NELFA: variants seen among roughly 807,000 people sequenced by gnomAD.
NELFA encodes the protein negative elongation factor complex member A.
NELFA carries 35 observed loss-of-function variants against 51.8 expected under a neutral mutation model. That is an observed-to-expected ratio of 0.68 (90% CI 0.52 to 0.90). The LOEUF is 0.90. Among genes scored for constraint, NELFA ranks in the 40% least tolerant of loss-of-function variants. The probability of loss-of-function intolerance (pLI) is 0.00; values close to 1 mark genes in which losing one functional copy is unlikely to be tolerated. For synonymous variants in NELFA, 417 were observed against 338.4 expected (o/e 1.23, Z -2.55); for missense variants, 658 against 746.4 (o/e 0.88, Z 1.38).
At chr4:1,992,538 C>A in intron 1 of NELFA, 1 of 375,686 alleles carries the variant, frequency 2.7e-6, no homozygotes, top group South Asian at 1.8e-5. Context: ...CAGTGTGAGA[C>A]AGCTGGGCTG....
At chr4:1,994,625 G>A (rs1394323871) in intron 1 of NELFA, among the ~76,000 whole-genome samples, 1 of 151,748 alleles carries the variant, frequency 6.6e-6, no homozygotes, top group East Asian at 1.9e-4. Context: ...GGAGGCTGAG[G>A]TGGGCGGATC....
At chr4:1,993,812 T>C (rs1728350538) in intron 1 of NELFA, among the ~76,000 whole-genome samples, 2 of 149,736 alleles carry the variant, frequency 1.3e-5, no homozygotes, top group Non-Finnish European at 3.0e-5. Flanking sequence ...TTTTTTTTTT[T>C]TTGAGACAGA....
chr4:2,005,052 C>T (rs892642741), intron 1 of NELFA, among the ~76,000 whole-genome samples: 8 of 151,826 alleles, frequency 5.3e-5, no homozygotes, highest in Non-Finnish European at 1.2e-4. Context: ...TCGTGATCCG[C>T]CCGCCTCGGC....
chr4:1,997,950 G>C (rs868488175), intron 1 of NELFA, among the ~76,000 whole-genome samples: 7 of 152,262 alleles, frequency 4.6e-5, no homozygotes, highest in East Asian at 3.9e-4. Context: ...TTGCTGTTCT[G>C]CAGCCTCCTT....
intron 1 of NELFA, among the ~76,000 whole-genome samples, chr4:2,008,423 G>A (rs1261417240): frequency 1.3e-5 from 2 of 149,800 alleles, no homozygotes; most frequent in Non-Finnish European, 3.0e-5. Flanking sequence ...TAGGGGTGAG[G>A]ACGAAAAGTA....
intron 1 of NELFA, among the ~76,000 whole-genome samples, chr4:2,003,681 C>T (rs916816472): frequency 2.0e-5 from 3 of 152,110 alleles, no homozygotes; most frequent in East Asian, 3.9e-4. Context: ...TAGTTGAACA[C>T]TGAGAACACA....
intron 1 of NELFA, among the ~76,000 whole-genome samples, chr4:2,005,932 C>T (rs187582864): frequency 2.0e-5 from 3 of 152,124 alleles, no homozygotes; most frequent in African/African-American, 7.2e-5. Context: ...CCAGAATGAA[C>T]TGCAAGTTCA....
intron 1 of NELFA, among the ~76,000 whole-genome samples, chr4:1,992,857 A>G (rs1208362250): frequency 6.6e-6 from 1 of 152,156 alleles, no homozygotes. Context: ...GCCCTGCAGG[A>G]CACCCAGCTG....
chr4:1,995,694 A>G (rs540234114), intron 1 of NELFA, among the ~76,000 whole-genome samples: 1 of 152,272 alleles, frequency 6.6e-6, no homozygotes, highest in African/African-American at 2.4e-5. Flanking sequence ...AGAACAAAAC[A>G]TTACTAAATA....
At chr4:1,998,592 A>C (rs1728492706) in intron 1 of NELFA, among the ~76,000 whole-genome samples, 1 of 152,178 alleles carries the variant, frequency 6.6e-6, no homozygotes, top group African/African-American at 2.4e-5. Flanking sequence ...CATGCAGACA[A>C]CAATAGAGAG....
chr4:2,001,624 C>T (rs1266175275), intron 1 of NELFA, among the ~76,000 whole-genome samples: 2 of 152,180 alleles, frequency 1.3e-5, no homozygotes, highest in Admixed American at 6.5e-5. Flanking sequence ...AGAGAGGGGC[C>T]GGGTGCAGTG....
At chr4:1,985,749 G>A in intron 7 of NELFA, 27 bp downstream of exon 7, 1 of 1,603,316 alleles carries the variant, frequency 6.2e-7, no homozygotes, top group Non-Finnish European at 8.5e-7. Flanking sequence ...AGTGGTGCCA[G>A]ACATGGGGTG....
rs1156877975 is a variant in NELFA, at chr4:1,983,875, C to T, written c.1275G>A (p.Gln425=). 13 of 1,585,046 alleles carry T rather than the reference C, an allele frequency of 8.2e-6. No individual in the cohort carries two copies. The highest frequency in any genetic ancestry group is 1.8e-5 in the Admixed American group (1 of 56,532). Residue 425 remains glutamine (Q), a synonymous_variant, in exon 9 of 11, where the codon CAG becomes CAA. Coordinates refer to ENST00000382882, the MANE Select transcript of NELFA (RefSeq NM_005663.5). Reference sequence around the variant, plus strand: ...TGAGGGACAGGTTCTTCTTAGGCTGCTGCTGAGCAGGGGCCTGGGTCTGCG... The same window carrying T: ...TGAGGGACAGGTTCTTCTTAGGCTGTTGCTGAGCAGGGGCCTGGGTCTGCG... ...VAPQTQAPAQ[Q]QPKKNLSLTR...
rs567380333 is a variant in NELFA at position 1,983,216 on chromosome 4, G to T, written c.*103C>A. ...GGGTCAGCAGCAGGGCGGCGGCCGG[G>T]GGACCTCGGGGGCCAGGTGTCCGCC... On this transcript the variant is annotated 3_prime_UTR_variant, in exon 11 of 11. Coordinates refer to ENST00000382882, the MANE Select transcript of NELFA (RefSeq NM_005663.5). The T allele has an allele frequency of 1.5e-5, 19 of 1,239,958 alleles. No homozygotes were observed. Among genetic ancestry groups the T allele is most frequent in the Non-Finnish European group, 2.1e-5 (19 of 893,234 alleles). The allele number at this position is 1,239,958 out of a possible 1,614,324, so 76.8% of individuals were successfully genotyped here.
intron 1 of NELFA, among the ~76,000 whole-genome samples, chr4:1,999,278 C>T (rs560281170): frequency 4.6e-5 from 7 of 151,054 alleles, no homozygotes; most frequent in African/African-American, 1.7e-4. Flanking sequence ...ATTACAGGAC[C>T]GAATTCACAC....
chr4:1,988,946 G>GTTTTTT (rs35323893), intron 3 of NELFA, among the ~76,000 whole-genome samples: 2 of 136,678 alleles, frequency 1.5e-5, no homozygotes, highest in Non-Finnish European at 3.1e-5. Flanking sequence ...AAGTTGGTGG[G>GTTTTTT]TTTTTTTTTT....
chr4:1,997,841 C>CA (rs1728472793), intron 1 of NELFA, among the ~76,000 whole-genome samples: 2 of 152,322 alleles, frequency 1.3e-5, no homozygotes, highest in South Asian at 4.1e-4. Flanking sequence ...GACCCTCCAA[C>CA]AGGGGTTGTC....
At chr4:1,986,090 C>A (rs965035471) in intron 6 of NELFA, 24 bp downstream of exon 6, 1 of 1,548,972 alleles carries the variant, frequency 6.5e-7, no homozygotes, top group South Asian at 1.2e-5. Flanking sequence ...CCATTGCCGC[C>A]GACACGCAGG....
intron 1 of NELFA, among the ~76,000 whole-genome samples, chr4:2,000,990 T>C (rs991760189): frequency 6.6e-6 from 1 of 152,174 alleles, no homozygotes; most frequent in African/African-American, 2.4e-5. Context: ...TGGTTCAACA[T>C]ACGCAAATCA....
Sources: allele counts gnomAD v4.1 joint callset (sites outside exome capture counted in the v4.1 genomes callset), GRCh38; gene constraint gnomAD v4.1.1; transcripts MANE v1.5; gene names NCBI Gene and HGNC (gene_info 2026-07-23, HGNC 2026-07-21).